Variants in PLBD1 observed in about 807,000 individuals in gnomAD.
The protein encoded by PLBD1 is phospholipase B domain containing 1.
A neutral mutation model predicts 63.0 loss-of-function variants in PLBD1; 60 were observed. That is an observed-to-expected ratio of 0.95 (90% CI 0.77 to 1.18). The LOEUF is 1.18. PLBD1 is among the 50% of genes most tolerant of loss of function. The pLI, the probability that PLBD1 is intolerant of heterozygous loss-of-function variation, is 0.00. For synonymous variants in PLBD1, 262 were observed against 248.0 expected (o/e 1.06, Z -0.53); for missense variants, 598 against 677.9 (o/e 0.88, Z 1.31).
At chr12:14,507,200 C>G in intron 8 of PLBD1, 82 bp from the exon 9 acceptor site, 1 of 1,071,356 alleles carries the variant, frequency 9.3e-7, no homozygotes, top group South Asian at 1.6e-5. Context: ...GAAATGTTAT[C>G]CATGTTCATT....
chr12:14,564,061 G>A (rs1262267105), intron 1 of PLBD1, among the ~76,000 whole-genome samples: 2 of 152,146 alleles, frequency 1.3e-5, no homozygotes, highest in Non-Finnish European at 2.9e-5. Flanking sequence ...GTAACATAGT[G>A]AGACTCTATC....
chr12:14,539,063 A>C lies in PLBD1; in HGVS notation c.558+1701T>G, dbSNP rs149901827. On this transcript the variant is annotated intron_variant, in intron 4 of 10. Coordinates refer to ENST00000240617, the MANE Select transcript of PLBD1 (RefSeq NM_024829.6). ...AAATAAAACTCTTCCATCCTCAACA[A>C]CATATTAAACATTTAGTTTATTTCC... 2.3e-3 allele frequency among the ~76,000 whole-genome samples: 348 copies of C among 152,220 alleles called. 1 individual carries two copies. Among genetic ancestry groups the C allele is most frequent in the Non-Finnish European group, 3.8e-3 (260 of 68,024 alleles).
intron 1 of PLBD1, among the ~76,000 whole-genome samples, chr12:14,556,756 A>G (rs994943416): frequency 4.0e-5 from 6 of 150,920 alleles, no homozygotes; most frequent in Non-Finnish European, 1.5e-5. Flanking sequence ...AGGCCGAGGC[A>G]GGAGGATCAC....
At chr12:14,528,479 C>T (rs972093629) in intron 6 of PLBD1, among the ~76,000 whole-genome samples, 2 of 152,116 alleles carry the variant, frequency 1.3e-5, no homozygotes, top group Admixed American at 1.3e-4. Context: ...TTAAACAATA[C>T]ACTTCCAAAT....
At chr12:14,521,473 T>C (rs1945375810) in intron 6 of PLBD1, among the ~76,000 whole-genome samples, 1 of 152,018 alleles carries the variant, frequency 6.6e-6, no homozygotes, top group South Asian at 2.1e-4. Context: ...ATGCATATGA[T>C]TTGACAGAGC....
At chr12:14,547,180 TTGTGTGTGTGTG>T (rs56182227) in intron 2 of PLBD1, among the ~76,000 whole-genome samples, 82 of 138,218 alleles carry the variant, frequency 5.9e-4, no homozygotes, top group Middle Eastern at 3.8e-3. Flanking sequence ...GCACCTGGCT[TTGTGTGTGTGTG>T]TGTGTGTGTG....
rs560336694 is a variant in PLBD1 at position 14,546,633 on chromosome 12, A to G, written c.336-4342T>C. ...GAGGGAGAAGGTGCAACTGCTAGCT[A>G]GTGGGTAGAGGCCACAGATGCTGCT... On this transcript the variant is annotated intron_variant, in intron 2 of 10. Coordinates refer to ENST00000240617, the MANE Select transcript of PLBD1 (RefSeq NM_024829.6). Among the ~76,000 whole-genome samples the G allele has an allele frequency of 2.6e-5, 4 of 152,332 alleles. No individual in the cohort carries two copies. In the East Asian group the frequency reaches 7.7e-4, roughly 29 times the overall value.
At chr12:14,504,055 AG>A (rs1012277659) in intron 10 of PLBD1, 101 bp from the exon 11 acceptor site, 2 of 1,187,354 alleles carry the variant, frequency 1.7e-6, no homozygotes, top group African/African-American at 3.1e-5. Context: ...TCACAATATT[AG>A]CTTTTTTTTT....
At chr12:14,556,667 C>T (rs1945707405) in intron 1 of PLBD1, among the ~76,000 whole-genome samples, 1 of 151,582 alleles carries the variant, frequency 6.6e-6, no homozygotes, top group South Asian at 2.1e-4. Flanking sequence ...CCGTGCCTGG[C>T]CAACATTTTA....
chr12:14,548,452 A>C lies in PLBD1; in HGVS notation c.335+4741T>G, dbSNP rs1945632229. 8.7e-5 allele frequency among the ~76,000 whole-genome samples: 7 copies of C among 80,132 alleles called. No individual in the cohort carries two copies. The South Asian group carries it at 3.9e-3, about 45-fold the overall frequency. The allele number at this position is 80,132 out of a possible 152,430, so 52.6% of individuals were successfully genotyped here. ...AGCCTGGGTAACACAGGGAGACTCC[A>C]TCTCCAAAAAAAAAAAAAAAAAAAA... On this transcript the variant is annotated intron_variant, in intron 2 of 10. Coordinates refer to ENST00000240617, the MANE Select transcript of PLBD1 (RefSeq NM_024829.6).
chr12:14,565,459 T>C (rs1377151704), intron 1 of PLBD1, among the ~76,000 whole-genome samples: 4 of 145,818 alleles, frequency 2.7e-5, no homozygotes, highest in Admixed American at 6.9e-5. Context: ...ATAAAAATAA[T>C]AGGAAATAAT....
intron 8 of PLBD1, among the ~76,000 whole-genome samples, chr12:14,507,328 G>C (rs960270063): frequency 1.3e-5 from 2 of 152,154 alleles, no homozygotes; most frequent in Admixed American, 1.3e-4. Flanking sequence ...CACAGCTCTA[G>C]GTTATTTCAT....
At chr12:14,551,803 C>T (rs951682759) in intron 2 of PLBD1, among the ~76,000 whole-genome samples, 4 of 152,190 alleles carry the variant, frequency 2.6e-5, no homozygotes, top group East Asian at 3.9e-4. Context: ...TTCAAACTCA[C>T]GACTCAATTT....
In PLBD1 at chr12:14,553,282, C is replaced by T. The variant is rs1444845528; in HGVS notation, c.246G>A (p.Leu82=). The change falls in exon 2 of 11, where the codon CTG becomes CTA. Residue 82 remains leucine, a synonymous_variant. Transcript: ENST00000240617. ...GAGAGCCATAGCCAGCTCTGATCTC[C>T]AGGATGCCCCAGCCTGTGGTTTTCA... ...NSVKTTGWGI[L]EIRAGYGSQT... is the part of the protein sequence containing the mutation. 1 of 1,614,138 alleles carries T rather than the reference C, an allele frequency of 6.2e-7. No individual in the cohort carries two copies. Among genetic ancestry groups the T allele is most frequent in the Non-Finnish European group, 8.5e-7 (1 of 1,180,016 alleles).
rs1211094726 is a variant in PLBD1, at chr12:14,567,606, T to C, written c.91A>G (p.Thr31Ala). 6.7e-7 allele frequency: 1 copy of C among 1,495,998 alleles called. No homozygotes were observed. Among genetic ancestry groups the C allele is most frequent in the Non-Finnish European group, 8.8e-7 (1 of 1,131,620 alleles). 92.7% of individuals were successfully genotyped at this position (1,495,998 alleles called of 1,614,324 possible). A position where few individuals can be genotyped will look rare whatever the true frequency, so the allele number is the denominator to read the frequency against. Residue 31 changes from threonine to alanine, a missense_variant, in exon 1 of 11, where the codon ACC (threonine) becomes GCC (alanine). Transcript: ENST00000240617. The stretch of plus-strand genomic sequence containing the variant: ...CCTGCAGGTTTCGGCGGCTCCGCGG[T>C]GACTAACAACAGCGGCAGCAGCAGC... ...LLLLLPLLLV[T>A]AEPPKPAGVY...
At chr12:14,508,756 C>T (rs181846043) in intron 8 of PLBD1, among the ~76,000 whole-genome samples, 35 of 152,094 alleles carry the variant, frequency 2.3e-4, no homozygotes, top group African/African-American at 7.7e-4. Flanking sequence ...GGTGACAAAG[C>T]GAGACCCTGT....
intron 1 of PLBD1, among the ~76,000 whole-genome samples, chr12:14,563,648 C>T (rs935324099): frequency 3.3e-5 from 5 of 152,186 alleles, no homozygotes; most frequent in African/African-American, 9.7e-5. Context: ...ACAGCACTTA[C>T]TGCATGTCAG....
chr12:14,558,564 A>T (rs1208664172), intron 1 of PLBD1, among the ~76,000 whole-genome samples: 1 of 152,178 alleles, frequency 6.6e-6, no homozygotes, highest in Admixed American at 6.5e-5. Flanking sequence ...CAGAGTCATA[A>T]ACAGGAACCA....
At chr12:14,560,281 TATA>T (rs1486372811) in intron 1 of PLBD1, among the ~76,000 whole-genome samples, 1 of 152,258 alleles carries the variant, frequency 6.6e-6, no homozygotes, top group Non-Finnish European at 1.5e-5. Flanking sequence ...ATTTGGATTC[TATA>T]ATAATTTTTC....
Sources: allele counts gnomAD v4.1 joint callset (sites outside exome capture counted in the v4.1 genomes callset), GRCh38; gene constraint gnomAD v4.1.1; transcripts MANE v1.5; gene names NCBI Gene and HGNC (gene_info 2026-07-23, HGNC 2026-07-21).